The following FRMPD2 variants were observed in gnomAD, a reference collection of about 807,000 sequenced individuals.
FRMPD2 encodes the protein FERM and PDZ domain-containing protein 2.
A neutral mutation model predicts 140.1 loss-of-function variants in FRMPD2; 96 were observed. The ratio of observed to expected loss-of-function variants is 0.69; its 90% CI spans 0.58 to 0.81. The LOEUF is 0.81. Ranked by LOEUF, FRMPD2 falls within the 40% of genes least tolerant of loss-of-function variation. The pLI is 0.00. For missense variants in FRMPD2, 1,240 were observed against 1,447.4 expected, an observed-to-expected ratio of 0.86 and a Z score of 2.32; for synonymous variants, 449 against 547.6, an observed-to-expected ratio of 0.82 and a Z score of 2.52.
chr10:48,251,667 A>G lies in FRMPD2; in HGVS notation c.50T>C (p.Leu17Pro). The G allele has an allele frequency of 6.2e-7, 1 of 1,614,248 alleles. No individual in the cohort carries two copies. The highest frequency in any genetic ancestry group is 8.5e-7 in the Non-Finnish European group (1 of 1,180,034). The change falls in exon 2 of 29, where the codon CTG (leucine) becomes CCG (proline). Residue 17 changes from leucine to proline, a missense_variant. Transcript: ENST00000374201. ...ACCCCTGACCTGTAGGGCGCTGGCCAGCGTCACAGAGGACAGGCTCATGCC... is the reference window on the plus strand; with the variant it reads ...ACCCCTGACCTGTAGGGCGCTGGCCGGCGTCACAGAGGACAGGCTCATGCC... The part of the protein sequence containing the change: ...DAGMSLSSVT[L>P]ASALQVRGEA...
chr10:48,244,265 G>A (rs1177235193), intron 4 of FRMPD2, among the ~76,000 whole-genome samples: 8 of 152,218 alleles, frequency 5.3e-5, no homozygotes, highest in East Asian at 1.9e-4. Flanking sequence ...GACTATAGGC[G>A]TGAGCCACCA....
chr10:48,215,273 C>T (rs1387016035), intron 12 of FRMPD2, among the ~76,000 whole-genome samples: 2 of 152,176 alleles, frequency 1.3e-5, no homozygotes, highest in East Asian at 3.8e-4. Context: ...TCACAGCCAC[C>T]GAGGCTCAGG....
intron 3 of FRMPD2, among the ~76,000 whole-genome samples, chr10:48,245,789 C>A (rs1480050859): frequency 6.6e-6 from 1 of 152,194 alleles, no homozygotes; most frequent in East Asian, 1.9e-4. Context: ...TCTATTATAA[C>A]TGACAAGGCA....
intron 12 of FRMPD2, among the ~76,000 whole-genome samples, chr10:48,220,699 G>T (rs1839564288): frequency 6.6e-6 from 1 of 152,160 alleles, no homozygotes; most frequent in African/African-American, 2.4e-5. Flanking sequence ...TCCAACAAAG[G>T]ACTAATATCC....
intron 1 of FRMPD2, among the ~76,000 whole-genome samples, chr10:48,271,330 C>A (rs1484189750): frequency 6.6e-6 from 1 of 152,208 alleles, no homozygotes; most frequent in Non-Finnish European, 1.5e-5. Context: ...GGACTGGCAT[C>A]ATACAAAAAT....
In FRMPD2 at chr10:48,240,520, C is replaced by T. The variant is rs1319204099; in HGVS notation, c.568-28G>A. ...GGGGGTCAAGTGCATCACACATCCACATCCCAAGATAAGGAGGGGGCGTTT... is the reference window on the plus strand; with the variant it reads ...GGGGGTCAAGTGCATCACACATCCATATCCCAAGATAAGGAGGGGGCGTTT... On this transcript the variant is annotated intron_variant, in intron 5 of 28. Transcript: ENST00000374201. 4 of 1,612,612 alleles carry T rather than the reference C, an allele frequency of 2.5e-6. No individual in the cohort carries two copies. The Admixed American group carries it at 5.0e-5, about 20-fold the overall frequency.
chr10:48,185,710 A>C, intron 17 of FRMPD2, 65 bp from the exon 18 acceptor site: 4 of 1,181,754 alleles, frequency 3.4e-6, no homozygotes, highest in Middle Eastern at 1.9e-4. Flanking sequence ...CTAATACAAA[A>C]GGAGTAAACA....
In FRMPD2 at chr10:48,212,076, C is replaced by A. The variant is rs745329574; in HGVS notation, c.1489G>T (p.Asp497Tyr). Residue 497 changes from aspartate (D) to tyrosine (Y), a missense_variant, in exon 13 of 29, where the codon GAT (aspartate) becomes TAT (tyrosine). By Grantham distance (160) the Asp-to-Tyr change is radical (BLOSUM62 -3). This residue lies in a region of FRMPD2 where 1,161 missense variants were observed against 1,055.9 expected (regional missense o/e 1.10). Coordinates refer to ENST00000374201, the MANE Select transcript of FRMPD2 (RefSeq NM_001018071.4). ...VESKPYFHVEDYIPASLIERM... is the reference protein window; with the variant it reads ...VESKPYFHVEYYIPASLIERM... ...TCGATCAGACTCGCTGGGATGTAAT[C>A]TTCAACGTGAAAGTATGGCTTACTC... is the stretch of plus-strand genomic sequence containing the variant. The A allele has an allele frequency of 6.2e-7, 1 of 1,614,074 alleles. No individual in the cohort carries two copies. Among genetic ancestry groups the A allele is most frequent in the Admixed American group, 1.7e-5 (1 of 60,018 alleles).
intron 15 of FRMPD2, among the ~76,000 whole-genome samples, chr10:48,194,068 T>C (rs1419619866): frequency 6.6e-6 from 1 of 152,224 alleles, no homozygotes; most frequent in Non-Finnish European, 1.5e-5. Context: ...ATACAGAGCT[T>C]GGGCTTGCTC....
At chr10:48,170,117 T>TC (rs1159237386) in intron 26 of FRMPD2, among the ~76,000 whole-genome samples, 1 of 127,518 alleles carries the variant, frequency 7.8e-6, no homozygotes, top group African/African-American at 3.0e-5. Flanking sequence ...TCTAGAGACC[T>TC]CCCCCCAGCC....
At chr10:48,192,606 T>C (rs1230369108) in intron 16 of FRMPD2, 78 bp downstream of exon 16, 12 of 1,280,302 alleles carry the variant, frequency 9.4e-6, no homozygotes, top group South Asian at 1.3e-5. Context: ...AAAAATAAAA[T>C]AAATCTTCAG....
At chr10:48,252,502 C>T (rs1047269254) in intron 1 of FRMPD2, among the ~76,000 whole-genome samples, 4 of 152,020 alleles carry the variant, frequency 2.6e-5, no homozygotes, top group East Asian at 1.9e-4. Flanking sequence ...TGTGCAGTGT[C>T]GGGCGCTAGA....
At chr10:48,186,426 T>A (rs1398531703) in intron 17 of FRMPD2, among the ~76,000 whole-genome samples, 1 of 152,214 alleles carries the variant, frequency 6.6e-6, no homozygotes, top group Non-Finnish European at 1.5e-5. Flanking sequence ...CTGCATGCTG[T>A]GGGAGGGACC....
intron 12 of FRMPD2, among the ~76,000 whole-genome samples, chr10:48,215,880 C>T (rs1839436032): frequency 6.6e-6 from 1 of 152,140 alleles, no homozygotes; most frequent in African/African-American, 2.4e-5. Flanking sequence ...GATATTTGGT[C>T]AAATATTCTG....
chr10:48,219,174 T>C (rs909386773), intron 12 of FRMPD2, among the ~76,000 whole-genome samples: 24 of 151,896 alleles, frequency 1.6e-4, no homozygotes, highest in African/African-American at 5.8e-4. Context: ...GATTTAAAGG[T>C]CCTTTTGAAG....
chr10:48,163,572 C>G lies in FRMPD2; in HGVS notation c.3637G>C (p.Ala1213Pro), dbSNP rs1838008667. The part of the protein sequence containing the change: ...LDQEDSWRDS[A>P]SPDAGEGLGL... ...AGGCCTTCCCCTGCATCTGGGGAGG[C>G]ACTGTCCCTCCAGCTGTCCTCTTGA... Residue 1213 changes from alanine (A) to proline (P), a missense_variant, in exon 28 of 29, where the codon GCC (alanine) becomes CCC (proline). Coordinates refer to ENST00000374201, the MANE Select transcript of FRMPD2 (RefSeq NM_001018071.4). The G allele has an allele frequency of 1.2e-5, 14 of 1,206,534 alleles. No homozygotes were observed. In the South Asian group the frequency reaches 1.7e-4, roughly 15 times the overall value. 74.7% of individuals were successfully genotyped at this position (1,206,534 alleles called of 1,614,324 possible). A position where few individuals can be genotyped will look rare whatever the true frequency, so the allele number is the denominator to read the frequency against.
chr10:48,231,112 C>T (rs1439584414), intron 10 of FRMPD2, among the ~76,000 whole-genome samples: 4 of 152,194 alleles, frequency 2.6e-5, no homozygotes, highest in Non-Finnish European at 5.9e-5. Flanking sequence ...AGGTCCATCC[C>T]AGTACCGAGG....
At chr10:48,226,249 C>T (rs1207126823) in intron 10 of FRMPD2, among the ~76,000 whole-genome samples, 2 of 152,174 alleles carry the variant, frequency 1.3e-5, no homozygotes, top group Non-Finnish European at 2.9e-5. Flanking sequence ...GCATTCAGGA[C>T]TCAAAAATGC....
chr10:48,162,915 CT>C (rs1671488043), intron 28 of FRMPD2, among the ~76,000 whole-genome samples: 1 of 66,230 alleles, frequency 1.5e-5, no homozygotes, highest in Admixed American at 1.7e-4. Flanking sequence ...AAGACCCCAT[CT>C]TTAAAAAAAA....
Sources: allele counts gnomAD v4.1 joint callset (sites outside exome capture counted in the v4.1 genomes callset), GRCh38; gene constraint gnomAD v4.1.1; regional missense constraint gnomAD v4.1.1; transcripts MANE v1.5; gene names NCBI Gene and HGNC (gene_info 2026-07-23, HGNC 2026-07-21).